The following MED30 variants were observed in gnomAD, a reference collection of about 807,000 sequenced individuals.
MED30 encodes the protein mediator complex subunit 30, also known as mediator of RNA polymerase II transcription subunit 30.
MED30 carries 8 observed loss-of-function variants against 21.7 expected under a neutral mutation model. The observed-to-expected ratio is 0.37, with a 90% CI of 0.22 to 0.67. The LOEUF (loss-of-function observed/expected upper bound fraction) is 0.67, where lower values mean the gene tolerates loss of function less well. Ranked by LOEUF, MED30 falls within the 30% of genes least tolerant of loss-of-function variation. The pLI is 0.58. For missense variants in MED30, 203 were observed against 228.2 expected, an observed-to-expected ratio of 0.89 and a Z score of 0.71; for synonymous variants, 79 against 86.7, an observed-to-expected ratio of 0.91 and a Z score of 0.49.
chr8:117,536,198 A>G (rs1420092371), intron 3 of MED30, among the ~76,000 whole-genome samples: 1 of 152,136 alleles, frequency 6.6e-6, no homozygotes, highest in Admixed American at 6.5e-5. Flanking sequence ...CTTCTTGGAG[A>G]ACATAAGACT....
chr8:117,528,088 G>A (rs558521327), intron 1 of MED30, among the ~76,000 whole-genome samples: 2 of 151,724 alleles, frequency 1.3e-5, no homozygotes, highest in Admixed American at 6.6e-5. Context: ...AAGTATAGAT[G>A]GCACCCATAT....
intron 3 of MED30, among the ~76,000 whole-genome samples, chr8:117,535,560 C>T (rs527284111): frequency 6.6e-6 from 1 of 151,886 alleles, no homozygotes; most frequent in African/African-American, 2.4e-5. Flanking sequence ...TAATGGCACA[C>T]ACACCCGAGG....
At chr8:117,527,325 A>T (rs745670810) in intron 1 of MED30, among the ~76,000 whole-genome samples, 2 of 151,912 alleles carry the variant, frequency 1.3e-5, no homozygotes, top group African/African-American at 4.8e-5. Context: ...TCAGCCTTTG[A>T]TATTTTATCA....
chr8:117,527,148 CCTTT>C (rs980908564), intron 1 of MED30, among the ~76,000 whole-genome samples: 3 of 151,886 alleles, frequency 2.0e-5, no homozygotes, highest in African/African-American at 4.8e-5. Context: ...TCATCATGCT[CCTTT>C]CTGTCACCTA....
intron 1 of MED30, among the ~76,000 whole-genome samples, chr8:117,525,962 G>C (rs1818713483): frequency 6.6e-6 from 1 of 152,032 alleles, no homozygotes; most frequent in Non-Finnish European, 1.5e-5. Flanking sequence ...GTTCGGCCTA[G>C]AAAGACTTGA....
At chr8:117,523,858 T>G (rs1818676126) in intron 1 of MED30, 2 of 443,630 alleles carry the variant, frequency 4.5e-6, no homozygotes, top group South Asian at 5.8e-5. Flanking sequence ...AATACAAAAA[T>G]TAGCCGGGCG....
chr8:117,528,015 A>T (rs986163039), intron 1 of MED30, among the ~76,000 whole-genome samples: 1 of 151,922 alleles, frequency 6.6e-6, no homozygotes, highest in East Asian at 1.9e-4. Flanking sequence ...TTAAAAATAT[A>T]TCCATATCTA....
chr8:117,535,677 A>G (rs55684845), intron 3 of MED30, among the ~76,000 whole-genome samples: 38,566 of 151,988 alleles, frequency 0.25, 5,263 homozygotes, highest in Middle Eastern at 0.37. Flanking sequence ...TTTGACCACT[A>G]TTTATAAATA....
intron 1 of MED30, among the ~76,000 whole-genome samples, chr8:117,522,591 T>G (rs2130808340): frequency 1.3e-5 from 2 of 152,176 alleles, no homozygotes; most frequent in East Asian, 3.9e-4. Flanking sequence ...TTCAAAAATC[T>G]TACAGCTCTT....
chr8:117,521,650 T>C (rs1469928398), intron 1 of MED30, among the ~76,000 whole-genome samples: 1 of 152,208 alleles, frequency 6.6e-6, no homozygotes, highest in East Asian at 1.9e-4. Context: ...TCTGTAATCA[T>C]AAATTAATTT....
chr8:117,530,417 A>T (rs1049924079), intron 2 of MED30: 10 of 169,586 alleles, frequency 5.9e-5, no homozygotes, highest in Admixed American at 1.3e-4. Flanking sequence ...GGGTTTTTTT[A>T]AATTTTTATT....
At chr8:117,530,155 T>A (rs531020741) in intron 2 of MED30, among the ~76,000 whole-genome samples, 1 of 152,152 alleles carries the variant, frequency 6.6e-6, no homozygotes. Flanking sequence ...TTGTTTCTCC[T>A]ACAAAGAAAA....
In MED30 at chr8:117,520,789, A is replaced by G; in HGVS notation, c.-88A>G. 1 of 1,358,244 alleles carries G rather than the reference A, an allele frequency of 7.4e-7. No individual in the cohort carries two copies. The highest frequency in any genetic ancestry group is 2.7e-5 in the Admixed American group (1 of 36,450). 84.1% of individuals were successfully genotyped at this position (1,358,244 alleles called of 1,614,324 possible). ...GCGGGGGGTCTCTCAAGCTGGTTCCAACGCTGAGGCCCCACAGCCTCCCAA... is the reference window on the plus strand; with the variant it reads ...GCGGGGGGTCTCTCAAGCTGGTTCCGACGCTGAGGCCCCACAGCCTCCCAA... On this transcript the variant is annotated 5_prime_UTR_variant, in exon 1 of 4. Coordinates refer to ENST00000297347, the MANE Select transcript of MED30 (RefSeq NM_080651.4).
intron 2 of MED30, among the ~76,000 whole-genome samples, chr8:117,530,089 C>T (rs1160097802): frequency 1.3e-5 from 2 of 152,000 alleles, no homozygotes; most frequent in Non-Finnish European, 2.9e-5. Flanking sequence ...TAAATTCCAT[C>T]ACTAACCATG....
At chr8:117,538,334 G>C in intron 3 of MED30, among the ~76,000 whole-genome samples, 1 of 152,150 alleles carries the variant, frequency 6.6e-6, no homozygotes, top group Admixed American at 6.5e-5. Context: ...CTTTTCAAAT[G>C]TGAATTAAAT....
chr8:117,528,111 AT>A (rs1382715576), intron 1 of MED30, among the ~76,000 whole-genome samples: 1 of 151,790 alleles, frequency 6.6e-6, no homozygotes, highest in Non-Finnish European at 1.5e-5. Flanking sequence ...CCTGCTATTG[AT>A]TTTTTTAAGT....
chr8:117,521,349 C>T (rs1220517113), intron 1 of MED30, among the ~76,000 whole-genome samples: 1 of 152,186 alleles, frequency 6.6e-6, no homozygotes, highest in African/African-American at 2.4e-5. Context: ...CACTCCACTT[C>T]CCTCTTTAGG....
chr8:117,526,644 T>TA (rs1818723837), intron 1 of MED30, among the ~76,000 whole-genome samples: 1 of 152,030 alleles, frequency 6.6e-6, no homozygotes, highest in Admixed American at 6.5e-5. Context: ...CAAGGGATCT[T>TA]AGGCATTTTT....
At chr8:117,523,429 C>T in intron 1 of MED30, 2 of 1,568,524 alleles carry the variant, frequency 1.3e-6, no homozygotes, top group South Asian at 2.2e-5. Flanking sequence ...AGGTCGCTCA[C>T]CCTCCAGACC....
Sources: allele counts gnomAD v4.1 joint callset (sites outside exome capture counted in the v4.1 genomes callset), GRCh38; gene constraint gnomAD v4.1.1; transcripts MANE v1.5; gene names NCBI Gene and HGNC (gene_info 2026-07-23, HGNC 2026-07-21).